Variants in HTRA2 observed in about 807,000 individuals in gnomAD.
HTRA2 encodes the protein serine protease HTRA2, mitochondrial.
A neutral mutation model predicts 42.2 loss-of-function variants in HTRA2; 24 were observed. That is an observed-to-expected ratio of 0.57 (90% CI 0.41 to 0.80). The LOEUF is 0.80. Ranked by LOEUF, HTRA2 falls within the 30% of genes least tolerant of loss-of-function variation. The probability of loss-of-function intolerance (pLI) is 0.00; values close to 1 mark genes in which losing one functional copy is unlikely to be tolerated. For synonymous variants in HTRA2, 245 were observed against 255.8 expected, an observed-to-expected ratio of 0.96 and a Z score of 0.40; for missense variants, 466 against 613.5, an observed-to-expected ratio of 0.76 and a Z score of 2.54.
chr2:74,532,941 C>T lies in HTRA2; in HGVS notation c.1333C>T (p.Arg445Ter), dbSNP rs771374779. The T allele has an allele frequency of 7.4e-6, 12 of 1,613,636 alleles. No individual in the cohort carries two copies. Among genetic ancestry groups the T allele is most frequent in the African/African-American group, 2.7e-5 (2 of 74,750 alleles). ...SQLAVQIRRGRETLTLYVTPE... is the reference protein window; with the variant it reads ...SQLAVQIRRG ...GTTGGCAGTGCAGATCCGGCGGGGA[C>T]GAGAAACACTGACCTTATATGTGAC... Residue 445 changes from arginine to a stop codon, truncating the protein, a stop_gained, in exon 8 of 8, where the codon CGA (arginine) becomes TGA (stop). Transcript: ENST00000258080. LOFTEE classifies it high-confidence loss of function.
At position 74,530,953 on chromosome 2, in the gene HTRA2, C is replaced by T; in HGVS notation, c.754C>T (p.Arg252Trp). Residue 252 changes from arginine (R) to tryptophan (W), a missense_variant, in exon 3 of 8, where the codon CGG (arginine) becomes TGG (tryptophan). Physicochemically the swap from Arg to Trp is moderately radical, Grantham distance 101. This residue lies in a region of HTRA2 where 115 missense variants were observed against 245.4 expected (regional missense o/e 0.47). Coordinates refer to ENST00000258080, the MANE Select transcript of HTRA2 (RefSeq NM_013247.5). This position sits in a 1 kb window ranked among gnomAD's most constrained non-coding sequence, Gnocchi z 7.4. ...TLPLGRSADV[R>W]QGEFVVAMGS... ...GCCTCTGGGACGCTCAGCTGATGTC[C>T]GGCAAGGGGAGTTTGTTGTTGCCAT... 3 of 1,614,192 alleles carry T rather than the reference C, an allele frequency of 1.9e-6. No homozygotes were observed. The highest frequency in any genetic ancestry group is 1.1e-5 in the South Asian group (1 of 91,086).
At chr2:74,529,932 C>T, upstream of HTRA2, 12 of 1,488,262 alleles carry the variant, frequency 8.1e-6, no homozygotes, top group South Asian at 1.4e-5. Flanking sequence ...TGCCCCGCGT[C>T]CTACTGTCCG....
upstream of HTRA2, chr2:74,529,932 C>A (rs1675461170): frequency 4.7e-6 from 7 of 1,488,262 alleles, no homozygotes; most frequent in Non-Finnish European, 6.2e-6. Context: ...TGCCCCGCGT[C>A]CTACTGTCCG....
At position 74,530,348 on chromosome 2, in the gene HTRA2, G is replaced by C. The variant is rs973939634; in HGVS notation, c.342G>C (p.Gly114=). 7 of 1,592,466 alleles carry C rather than the reference G, an allele frequency of 4.4e-6. No individual in the cohort carries two copies. The highest frequency in any genetic ancestry group is 2.7e-5 in the African/African-American group (2 of 74,334). ...RAWLAVALGA[G]GAVLLLLWGG... ...GGCTGGCGGTGGCGCTGGGCGCTGG[G>C]GGGGCAGTGCTGTTGTTGTTGTGGG... Residue 114 remains glycine (G), a synonymous_variant, in exon 1 of 8, where the codon GGG becomes GGC. Transcript: ENST00000258080. The surrounding 1 kb of genome is among the most constrained non-coding windows in gnomAD (Gnocchi z 7.4).
upstream of HTRA2, chr2:74,529,507 CGA>C: frequency 6.5e-7 from 1 of 1,549,310 alleles, no homozygotes; most frequent in Non-Finnish European, 8.7e-7. Context: ...AGCCTGGGGG[CGA>C]GAGGCGAAGT....
In HTRA2 at chr2:74,530,745, G is replaced by A; in HGVS notation, c.635G>A (p.Ser212Asn). ...CGCAGAGTCCGTGTGAGACTGCTAA[G>A]CGGCGACACGTATGAGGCCGTGGTC... ...DRRRVRVRLL[S>N]GDTYEAVVTA... The change falls in exon 2 of 8, where the codon AGC (serine) becomes AAC (asparagine). Residue 212 changes from serine to asparagine, a missense_variant. Physicochemically the swap from Ser to Asn is conservative, Grantham distance 46 (BLOSUM62 1). This residue lies in a region of HTRA2 where 115 missense variants were observed against 245.4 expected (regional missense o/e 0.47). Coordinates refer to ENST00000258080, the MANE Select transcript of HTRA2 (RefSeq NM_013247.5). This position sits in a 1 kb window ranked among gnomAD's most constrained non-coding sequence, Gnocchi z 7.4. The A allele has an allele frequency of 6.2e-7, 1 of 1,614,196 alleles. No homozygotes were observed. The highest frequency in any genetic ancestry group is 8.5e-7 in the Non-Finnish European group (1 of 1,180,040).
Position 74,530,566 on chromosome 2 carries a change from G to A in HTRA2, c.507-51G>A. The A allele has an allele frequency of 3.1e-6, 5 of 1,613,656 alleles. No homozygotes were observed. Among genetic ancestry groups the A allele is most frequent in the Non-Finnish European group, 4.2e-6 (5 of 1,179,992 alleles). On this transcript the variant is annotated intron_variant, in intron 1 of 7. Transcript: ENST00000258080. The surrounding 1 kb of genome is among the most constrained non-coding windows in gnomAD (Gnocchi z 7.4). The stretch of plus-strand genomic sequence containing the variant: ...TGAAGCCACAGGCTGGAGGGCGGGC[G>A]GGTAGGAGGGGTCAGAGCCTCCTCT...
chr2:74,531,455 G>A (rs1423378287), intron 4 of HTRA2, 84 bp downstream of exon 4: 1 of 1,605,390 alleles, frequency 6.2e-7, no homozygotes, highest in Non-Finnish European at 8.5e-7. Flanking sequence ...AAGGATGTTT[G>A]GTCAAGTTTC....
At chr2:74,531,759 G>A in intron 5 of HTRA2, 57 bp downstream of exon 5, 4 of 1,611,570 alleles carry the variant, frequency 2.5e-6, no homozygotes, top group South Asian at 1.1e-5. Context: ...TAGGGGAAGG[G>A]CATTCAGTGG....
chr2:74,531,533 G>C, intron 4 of HTRA2, 64 bp from the exon 5 acceptor site: 1 of 1,612,562 alleles, frequency 6.2e-7, no homozygotes, highest in Non-Finnish European at 8.5e-7. Flanking sequence ...TGGTACTTTT[G>C]TTCGGGTGCC....
rs1675478353 is a variant in HTRA2 at position 74,530,152 on chromosome 2, G to C, written c.146G>C (p.Arg49Pro). Residue 49 changes from arginine to proline, a missense_variant, in exon 1 of 8, where the codon CGA becomes CCA. Transcript: ENST00000258080. This position sits in a 1 kb window ranked among gnomAD's most constrained non-coding sequence, Gnocchi z 7.4. The stretch of plus-strand genomic sequence containing the variant: ...TCAGGAACTTCTGACCCCCGGGCCC[G>C]AGTGACTTATGGGACCCCCAGTCTC... ...LTSGTSDPRA[R>P]VTYGTPSLWA... The C allele has an allele frequency of 1.9e-6, 3 of 1,612,138 alleles. No individual in the cohort carries two copies. Among genetic ancestry groups the C allele is most frequent in the Non-Finnish European group, 2.5e-6 (3 of 1,179,322 alleles).
Position 74,530,490 on chromosome 2 carries a change from G to A in HTRA2, c.484G>A (p.Val162Ile). Reference sequence around the variant, plus strand: ...GGTGGAGAAGACAGCACCTGCCGTGGTCTATATCGAGATCCTGGACCGGTA... The same window carrying A: ...GGTGGAGAAGACAGCACCTGCCGTGATCTATATCGAGATCCTGGACCGGTA... ...DVVEKTAPAVVYIEILDRHPF... is the reference protein window; with the variant it reads ...DVVEKTAPAVIYIEILDRHPF... Residue 162 changes from valine to isoleucine, a missense_variant, in exon 1 of 8, where the codon GTC (valine) becomes ATC (isoleucine). By Grantham distance (29) the Val-to-Ile change is conservative. Coordinates refer to ENST00000258080, the MANE Select transcript of HTRA2 (RefSeq NM_013247.5). The surrounding 1 kb of genome is among the most constrained non-coding windows in gnomAD (Gnocchi z 7.4). The A allele has an allele frequency of 6.2e-7, 1 of 1,610,432 alleles. No individual in the cohort carries two copies. The highest frequency in any genetic ancestry group is 8.5e-7 in the Non-Finnish European group (1 of 1,180,012).
intron 6 of HTRA2, 80 bp from the exon 7 acceptor site, chr2:74,532,539 G>T: frequency 9.5e-7 from 1 of 1,053,142 alleles, no homozygotes; most frequent in East Asian, 2.4e-5. Context: ...TTATCAATGT[G>T]TTGATGAGAG....
rs775948550 is a variant in HTRA2, at chr2:74,531,072, T to C, written c.873T>C (p.Asn291=). The C allele has an allele frequency of 1.9e-5, 30 of 1,613,978 alleles. No homozygotes were observed. Among genetic ancestry groups the C allele is most frequent in the African/African-American group, 2.7e-5 (2 of 74,896 alleles). ...GAGACCTGGGACTCCCCCAAACCAATGTGGAATACATTCAAACTGATGCAG... is the reference window on the plus strand; with the variant it reads ...GAGACCTGGGACTCCCCCAAACCAACGTGGAATACATTCAAACTGATGCAG... ...PARDLGLPQT[N]VEYIQTDAAI... The change falls in exon 3 of 8, where the codon AAT becomes AAC. Residue 291 remains asparagine, a synonymous_variant. Transcript: ENST00000258080.
chr2:74,530,838 G>C lies in HTRA2; in HGVS notation c.711+17G>C. On this transcript the variant is annotated intron_variant, in intron 2 of 7. Coordinates refer to ENST00000258080, the MANE Select transcript of HTRA2 (RefSeq NM_013247.5). The surrounding 1 kb of genome is among the most constrained non-coding windows in gnomAD (Gnocchi z 7.4). ...CAGACTAAGGTGGGGGCTGGGGTAG[G>C]CCAGGTCTGGTTGGAGCTGCTTATT... 1 of 1,614,148 alleles carries C rather than the reference G, an allele frequency of 6.2e-7. No individual in the cohort carries two copies. Among genetic ancestry groups the C allele is most frequent in the Non-Finnish European group, 8.5e-7 (1 of 1,180,024 alleles).
At position 74,530,115 on chromosome 2, in the gene HTRA2, G is replaced by T. The variant is rs1675475504; in HGVS notation, c.109G>T (p.Ala37Ser). The T allele has an allele frequency of 1.9e-6, 3 of 1,610,146 alleles. No individual in the cohort carries two copies. The highest frequency in any genetic ancestry group is 1.7e-5 in the Admixed American group (1 of 59,912). ...ACCCCGTTTGACCCCTGACCTCCGGGCCCTGCTGACGTCAGGAACTTCTGA... is the reference window on the plus strand; with the variant it reads ...ACCCCGTTTGACCCCTGACCTCCGGTCCCTGCTGACGTCAGGAACTTCTGA... The part of the protein sequence containing the change: ...RRPRLTPDLR[A>S]LLTSGTSDPR... The change falls in exon 1 of 8, where the codon GCC becomes TCC. Residue 37 changes from alanine (A) to serine (S), a missense_variant. Coordinates refer to ENST00000258080, the MANE Select transcript of HTRA2 (RefSeq NM_013247.5). The surrounding 1 kb of genome is among the most constrained non-coding windows in gnomAD (Gnocchi z 7.4).
Position 74,531,666 on chromosome 2 carries a change from C to G in HTRA2, c.1009C>G (p.Arg337Gly). 1 of 1,614,106 alleles carries G rather than the reference C, an allele frequency of 6.2e-7. No individual in the cohort carries two copies. The highest frequency in any genetic ancestry group is 8.5e-7 in the Non-Finnish European group (1 of 1,180,034). Reference sequence around the variant, plus strand: ...AATCTCCTTTGCCATCCCTTCTGATCGTCTTCGAGAGTTTCTGCATCGTGG... The same window carrying G: ...AATCTCCTTTGCCATCCCTTCTGATGGTCTTCGAGAGTTTCTGCATCGTGG... ...AGISFAIPSD[R>G]LREFLHRGEK... is the part of the protein sequence containing the mutation. The change falls in exon 5 of 8, where the codon CGT (arginine) becomes GGT (glycine). Residue 337 changes from arginine to glycine, a missense_variant. Arg to Gly is a moderately radical substitution (Grantham distance 125, BLOSUM62 -2). This residue lies in a region of HTRA2 where 129 missense variants were observed against 163.1 expected (regional missense o/e 0.79). Coordinates refer to ENST00000258080, the MANE Select transcript of HTRA2 (RefSeq NM_013247.5).
intron 6 of HTRA2, 171 bp from the exon 7 acceptor site, chr2:74,532,448 A>T: frequency 4.5e-6 from 3 of 671,362 alleles, no homozygotes; most frequent in Non-Finnish European, 8.2e-6. Context: ...TTTTATGTAC[A>T]TGTTGCACTT....
Position 74,530,754 on chromosome 2 carries a change from C to T in HTRA2, c.644C>T (p.Thr215Met), listed in dbSNP as rs200036604. 40 of 1,614,168 alleles carry T rather than the reference C, an allele frequency of 2.5e-5. No individual in the cohort carries two copies. The East Asian group carries it at 7.6e-4, about 31-fold the overall frequency. The change falls in exon 2 of 8, where the codon ACG (threonine) becomes ATG (methionine). Residue 215 changes from threonine (T) to methionine (M), a missense_variant. Thr to Met is a moderately conservative substitution (Grantham distance 81). This residue lies in a region of HTRA2 where 115 missense variants were observed against 245.4 expected (regional missense o/e 0.47). Coordinates refer to ENST00000258080, the MANE Select transcript of HTRA2 (RefSeq NM_013247.5). This position sits in a 1 kb window ranked among gnomAD's most constrained non-coding sequence, Gnocchi z 7.4. ...CGTGTGAGACTGCTAAGCGGCGACACGTATGAGGCCGTGGTCACAGCTGTG... is the reference window on the plus strand; with the variant it reads ...CGTGTGAGACTGCTAAGCGGCGACATGTATGAGGCCGTGGTCACAGCTGTG... The part of the protein sequence containing the change: ...RVRVRLLSGD[T>M]YEAVVTAVDP...
Sources: allele counts gnomAD v4.1 joint callset, GRCh38; gene constraint gnomAD v4.1.1; regional missense constraint gnomAD v4.1.1; non-coding constraint Gnocchi (gnomAD v3.1); transcripts MANE v1.5; gene names NCBI Gene and HGNC (gene_info 2026-07-23, HGNC 2026-07-21).